Variants in LRRC72 observed in about 807,000 individuals in gnomAD.
LRRC72 encodes leucine-rich repeat-containing protein 72.
Under a neutral mutation model 35.8 loss-of-function variants are expected in LRRC72, and 41 were observed. That is an observed-to-expected ratio of 1.15 (90% CI 0.89 to 1.49). The LOEUF is 1.49. Ranked by LOEUF, LRRC72 falls within the 40% of genes most tolerant of loss-of-function variation. LRRC72 has a pLI of 0.00. For missense variants in LRRC72, 389 were observed against 330.7 expected (o/e 1.18, Z -1.37); for synonymous variants, 118 against 119.2 (o/e 0.99, Z 0.07).
intron 2 of LRRC72, 168 bp downstream of exon 2, chr7:16,532,736 G>C (rs1782190254): frequency 1.5e-6 from 1 of 660,566 alleles, no homozygotes; most frequent in Middle Eastern, 3.9e-4. Context: ...GGAGAGACAA[G>C]ATACTGAAAT....
chr7:16,542,224 C>A (rs763222322), intron 3 of LRRC72, among the ~76,000 whole-genome samples: 36 of 152,258 alleles, frequency 2.4e-4, no homozygotes, highest in Non-Finnish European at 2.5e-4. Flanking sequence ...ACAAAATGGA[C>A]TTGCAGATGC....
At chr7:16,564,981 G>A (rs548372344) in intron 5 of LRRC72, among the ~76,000 whole-genome samples, 4 of 152,226 alleles carry the variant, frequency 2.6e-5, no homozygotes, top group Admixed American at 6.5e-5. Flanking sequence ...GTCTACAACA[G>A]TACTCTTAAA....
At chr7:16,579,118 C>T (rs1188438783) in intron 7 of LRRC72, among the ~76,000 whole-genome samples, 1 of 152,106 alleles carries the variant, frequency 6.6e-6, no homozygotes, top group Non-Finnish European at 1.5e-5. Context: ...GTTCTCACCA[C>T]GTATACACAA....
intron 3 of LRRC72, among the ~76,000 whole-genome samples, chr7:16,546,807 T>G (rs1782450586): frequency 6.6e-6 from 1 of 152,072 alleles, no homozygotes; most frequent in African/African-American, 2.4e-5. Flanking sequence ...CTTCCTGTGA[T>G]CAACAGTCTA....
intron 3 of LRRC72, among the ~76,000 whole-genome samples, chr7:16,545,364 T>C (rs1207212733): frequency 6.6e-6 from 1 of 152,232 alleles, no homozygotes; most frequent in Non-Finnish European, 1.5e-5. Context: ...ATTGAAATAA[T>C]TATTTTTAAT....
chr7:16,531,965 C>G (rs770563374), intron 1 of LRRC72, among the ~76,000 whole-genome samples: 2 of 152,074 alleles, frequency 1.3e-5, no homozygotes, highest in African/African-American at 4.8e-5. Flanking sequence ...TTCATTTGTT[C>G]AGAGAAAAAT....
rs1782400244 is a variant in LRRC72 at position 16,543,835 on chromosome 7, C to G, written c.234+6139C>G. Among the ~76,000 whole-genome samples, 2 of 152,170 alleles carry G rather than the reference C, an allele frequency of 1.3e-5. 1 individual carries two copies. Among genetic ancestry groups the G allele is most frequent in the Admixed American group, 1.3e-4 (2 of 15,270 alleles). ...TCCTATGAACTTGATGAAGCCAGCA[C>G]TTAGAGAAAGGCAGAGCCCAGAGAT... On this transcript the variant is annotated intron_variant, in intron 3 of 8. Transcript: ENST00000401542.
intron 3 of LRRC72, among the ~76,000 whole-genome samples, chr7:16,545,006 A>C (rs1019269455): frequency 6.6e-6 from 1 of 152,226 alleles, no homozygotes. Context: ...CACTGACTAG[A>C]GAATGGTCAG....
chr7:16,568,645 A>G (rs1782890940), intron 7 of LRRC72, among the ~76,000 whole-genome samples: 1 of 152,236 alleles, frequency 6.6e-6, no homozygotes, highest in African/African-American at 2.4e-5. Context: ...CCAGACAATT[A>G]CCAGAATTGG....
Position 16,526,941 on chromosome 7 carries a change from C to T in LRRC72, c.-12C>T. ...GATTAATCACCGCTGCTTCGGCCGCCCATGTGTCCTGATGTCCTGGGACCC... is the reference window on the plus strand; with the variant it reads ...GATTAATCACCGCTGCTTCGGCCGCTCATGTGTCCTGATGTCCTGGGACCC... On this transcript the variant is annotated 5_prime_UTR_variant, in exon 1 of 9. Transcript: ENST00000401542. 1 of 1,538,602 alleles carries T rather than the reference C, an allele frequency of 6.5e-7. No homozygotes were observed. The highest frequency in any genetic ancestry group is 2.4e-5 in the East Asian group (1 of 40,894).
chr7:16,557,598 A>G (rs1782673434), intron 4 of LRRC72, among the ~76,000 whole-genome samples, 157 bp downstream of exon 4: 1 of 152,180 alleles, frequency 6.6e-6, no homozygotes, highest in Non-Finnish European at 1.5e-5. Context: ...TACATTTGAT[A>G]TTAAGAAATG....
intron 1 of LRRC72, among the ~76,000 whole-genome samples, chr7:16,531,593 C>T (rs1047777551): frequency 2.6e-5 from 4 of 152,126 alleles, no homozygotes; most frequent in Non-Finnish European, 4.4e-5. Flanking sequence ...AGCTAAAATT[C>T]GGTGATTGTT....
At chr7:16,580,858 A>G (rs952218472) in intron 8 of LRRC72, among the ~76,000 whole-genome samples, 1 of 152,152 alleles carries the variant, frequency 6.6e-6, no homozygotes, top group Non-Finnish European at 1.5e-5. Context: ...ATGAATTTAG[A>G]GTCATCATTC....
chr7:16,558,851 A>T, intron 4 of LRRC72, 38 bp from the exon 5 acceptor site: 1 of 1,248,364 alleles, frequency 8.0e-7, no homozygotes, highest in South Asian at 1.9e-5. Context: ...ACTGAAAAAA[A>T]TGTTTAAAAT....
At chr7:16,552,964 T>A (rs1362960230) in intron 3 of LRRC72, among the ~76,000 whole-genome samples, 1 of 152,204 alleles carries the variant, frequency 6.6e-6, no homozygotes, top group Non-Finnish European at 1.5e-5. Context: ...AGTTTCATCA[T>A]CTTAAAATAA....
At chr7:16,566,282 G>T in intron 5 of LRRC72, 31 bp from the exon 6 acceptor site, 1 of 1,380,316 alleles carries the variant, frequency 7.2e-7, no homozygotes, top group Non-Finnish European at 9.8e-7. Flanking sequence ...TTTGAAATCT[G>T]ACATTTTTAT....
rs567051636 is a variant in LRRC72 at position 16,565,062 on chromosome 7, A to T, written c.428-1251A>T. Among the ~76,000 whole-genome samples the T allele has an allele frequency of 5.9e-5, 9 of 152,208 alleles. No homozygotes were observed. In the South Asian group the frequency reaches 6.2e-4, roughly 11 times the overall value. ...TTGTGCGGTAGCTGGAGCTCTTTCT[A>T]CTACTGCCATCTAGTGGTTCTCCTT... On this transcript the variant is annotated intron_variant, in intron 5 of 8. Coordinates refer to ENST00000401542, the MANE Select transcript of LRRC72 (RefSeq NM_001195280.2).
At chr7:16,549,554 T>C (rs1024880989) in intron 3 of LRRC72, among the ~76,000 whole-genome samples, 5 of 152,134 alleles carry the variant, frequency 3.3e-5, no homozygotes, top group African/African-American at 1.2e-4. Flanking sequence ...TTTCCACTGC[T>C]ATGGAAAGCA....
At chr7:16,532,938 T>C (rs1395619200) in intron 2 of LRRC72, 1 of 274,858 alleles carries the variant, frequency 3.6e-6, no homozygotes, top group South Asian at 4.0e-5. Flanking sequence ...AGTATAAATA[T>C]GTCCCACATA....
Sources: allele counts gnomAD v4.1 joint callset (sites outside exome capture counted in the v4.1 genomes callset), GRCh38; gene constraint gnomAD v4.1.1; transcripts MANE v1.5; gene names NCBI Gene and HGNC (gene_info 2026-07-23, HGNC 2026-07-21).